Variants in TDRP observed in about 807,000 individuals in gnomAD.
TDRP encodes testis development-related protein.
TDRP carries 12 observed loss-of-function variants against 10.5 expected under a neutral mutation model. That is an observed-to-expected ratio of 1.15 (90% confidence interval 0.73 to 1.86). The LOEUF is 1.86. Ranked by LOEUF, TDRP falls within the 40% of genes most tolerant of loss-of-function variation. TDRP has a pLI of 0.00. For missense variants in TDRP, 353 were observed against 229.2 expected (o/e 1.54, Z -3.49); for synonymous variants, 139 against 95.4 (o/e 1.46, Z -2.67).
chr8:528,811 G>C (rs1050270117), intron 1 of TDRP, among the ~76,000 whole-genome samples: 2 of 151,994 alleles, frequency 1.3e-5, no homozygotes, highest in Non-Finnish European at 2.9e-5. Flanking sequence ...ATAACTATGT[G>C]TGTGTGTATA....
intron 1 of TDRP, among the ~76,000 whole-genome samples, chr8:506,958 G>A (rs534626788): frequency 1.3e-5 from 2 of 152,262 alleles, no homozygotes; most frequent in Admixed American, 6.5e-5. Context: ...ATAATACCTG[G>A]GACTGGGTAA....
chr8:539,572 GA>G (rs1802436947), intron 1 of TDRP, among the ~76,000 whole-genome samples: 1 of 152,206 alleles, frequency 6.6e-6, no homozygotes, highest in East Asian at 1.9e-4. Context: ...AGGCAGGTGT[GA>G]AGGTGTTTAC....
intron 1 of TDRP, among the ~76,000 whole-genome samples, chr8:543,656 T>C (rs1020520734): frequency 6.6e-6 from 1 of 152,096 alleles, no homozygotes; most frequent in African/African-American, 2.4e-5. Context: ...ATCGGCTCCA[T>C]TTTCCATGAG....
chr8:510,693 G>C (rs1055064614), intron 1 of TDRP, among the ~76,000 whole-genome samples: 5 of 152,188 alleles, frequency 3.3e-5, no homozygotes, highest in Admixed American at 2.6e-4. Context: ...GAATAAATCT[G>C]AACTTCTTGT....
chr8:500,977 T>C (rs62484366), intron 1 of TDRP, among the ~76,000 whole-genome samples: 116,050 of 151,686 alleles, frequency 0.77, 45,449 homozygotes, highest in Admixed American at 0.86. Context: ...GAGGCCAAGG[T>C]GGGTGGATCA....
intron 1 of TDRP, among the ~76,000 whole-genome samples, chr8:536,969 A>T (rs542185395): frequency 6.6e-6 from 1 of 152,272 alleles, no homozygotes; most frequent in South Asian, 2.1e-4. Flanking sequence ...ATGAGAGTCC[A>T]ATGAGACTAA....
intron 1 of TDRP, among the ~76,000 whole-genome samples, chr8:536,514 A>C (rs1563133024): frequency 6.6e-6 from 1 of 152,250 alleles, no homozygotes; most frequent in Non-Finnish European, 1.5e-5. Flanking sequence ...TATAAACTCT[A>C]AATACTGATC....
rs2116698219 is a variant in TDRP at position 491,133 on chromosome 8, A to T, written c.*1266T>A. ...GTGTGTTCTGCCATCAGGCACACTC[A>T]GTTATTCCACAGGAACAAACGGAAG... On this transcript the variant is annotated 3_prime_UTR_variant, in exon 3 of 3. Coordinates refer to ENST00000324079, the MANE Select transcript of TDRP (RefSeq NM_001384899.1). 1 of 152,960 alleles carries T rather than the reference A, an allele frequency of 6.5e-6. No individual in the cohort carries two copies. The highest frequency in any genetic ancestry group is 2.4e-5 in the African/African-American group (1 of 41,628). The allele number at this position is 152,960 out of a possible 1,614,324, so 9.5% of individuals were successfully genotyped here. A position where few individuals can be genotyped will look rare whatever the true frequency, so the allele number is the denominator to read the frequency against.
At position 491,773 on chromosome 8, in the gene TDRP, A is replaced by T. The variant is rs999265927; in HGVS notation, c.*626T>A. On this transcript the variant is annotated 3_prime_UTR_variant, in exon 3 of 3. Coordinates refer to ENST00000324079, the MANE Select transcript of TDRP (RefSeq NM_001384899.1). ...ATTCCAAAAAAGAACCACTGTTACT[A>T]TCCAGTGGACATACAAGAAGCTATT... 3.9e-5 allele frequency: 53 copies of T among 1,355,474 alleles called. No individual in the cohort carries two copies. The highest frequency in any genetic ancestry group is 4.7e-5 in the Non-Finnish European group (50 of 1,060,680). The allele number at this position is 1,355,474 out of a possible 1,614,324, so 84.0% of individuals were successfully genotyped here.
chr8:521,910 A>T (rs1283479023), intron 1 of TDRP, among the ~76,000 whole-genome samples: 3 of 152,130 alleles, frequency 2.0e-5, no homozygotes. Context: ...GCAATGTTTT[A>T]TATTTTTTCA....
intron 1 of TDRP, among the ~76,000 whole-genome samples, chr8:496,233 G>C (rs1404752235): frequency 6.6e-6 from 1 of 152,200 alleles, no homozygotes; most frequent in Non-Finnish European, 1.5e-5. Context: ...TGACAGCTTT[G>C]GCACACTTGT....
At chr8:493,993 G>T (rs10109045) in intron 2 of TDRP, among the ~76,000 whole-genome samples, 13,153 of 107,510 alleles carry the variant, frequency 0.12, 1,399 homozygotes, top group East Asian at 0.3. Context: ...CATTTCTGTT[G>T]TTTTTTTTTT....
chr8:534,908 A>G (rs1322502474), intron 1 of TDRP, among the ~76,000 whole-genome samples: 1 of 152,204 alleles, frequency 6.6e-6, no homozygotes, highest in Non-Finnish European at 1.5e-5. Context: ...GGCAGGCACC[A>G]GTATCATTAT....
intron 1 of TDRP, among the ~76,000 whole-genome samples, chr8:524,093 TC>T (rs1412828080): frequency 6.6e-6 from 1 of 152,142 alleles, no homozygotes; most frequent in African/African-American, 2.4e-5. Flanking sequence ...TCCCAGCAGT[TC>T]AGCACAGACA....
At chr8:528,572 C>A (rs201177489) in intron 1 of TDRP, among the ~76,000 whole-genome samples, 1 of 134,374 alleles carries the variant, frequency 7.4e-6, no homozygotes, top group African/African-American at 2.6e-5. Context: ...CTTGACAGCA[C>A]AACAGGATGA....
intron 1 of TDRP, among the ~76,000 whole-genome samples, chr8:526,475 T>A: frequency 6.6e-6 from 1 of 152,210 alleles, no homozygotes; most frequent in East Asian, 1.9e-4. Context: ...AATTATCATA[T>A]GGGTTTTGTC....
chr8:544,726 A>T lies in TDRP; in HGVS notation c.32T>A (p.Leu11Gln), dbSNP rs2116894186. The change falls in exon 1 of 3, where the codon CTG becomes CAG. Residue 11 changes from leucine (L) to glutamine (Q), a missense_variant. Coordinates refer to ENST00000324079, the MANE Select transcript of TDRP (RefSeq NM_001384899.1). Reference sequence around the variant, plus strand: ...GTCCTCCTCCTCGGGGGGCTCGTCCAGCAGCACTCGGCCCCGGCCCAGCTT... The same window carrying T: ...GTCCTCCTCCTCGGGGGGCTCGTCCTGCAGCACTCGGCCCCGGCCCAGCTT... MWKLGRGRVL[L>Q]DEPPEEEDGL... 8.0e-7 allele frequency: 1 copy of T among 1,243,570 alleles called. No homozygotes were observed. The allele number at this position is 1,243,570 out of a possible 1,614,324, so 77.0% of individuals were successfully genotyped here.
Position 491,931 on chromosome 8 carries a change from T to G in TDRP, c.*468A>C. ...TTAATTTGTCAAGTTAAACAAAATT[T>G]AACATAACTTTGGAAGATTCATCTT... On this transcript the variant is annotated 3_prime_UTR_variant, in exon 3 of 3. Transcript: ENST00000324079. The G allele has an allele frequency of 8.8e-7, 1 of 1,140,802 alleles. No individual in the cohort carries two copies. Among genetic ancestry groups the G allele is most frequent in the Non-Finnish European group, 1.1e-6 (1 of 931,136 alleles). 70.7% of individuals were successfully genotyped at this position (1,140,802 alleles called of 1,614,324 possible).
chr8:544,825 CGGACGCTCTGCCTGCGGCTCCTGCG>C, exon 1 of TDRP: 6 of 1,130,306 alleles, frequency 5.3e-6, no homozygotes, highest in Non-Finnish European at 6.7e-6. Flanking sequence ...TCCCGGCCGC[CGGACGCTCTGCCTGCGGCTCCTGCG>C]GGACGCGGGC....
Sources: gnomAD v4.1 joint callset for allele counts (sites outside exome capture counted in the v4.1 genomes callset) on GRCh38, gnomAD v4.1.1 for gene constraint, MANE v1.5 for transcripts, NCBI Gene and HGNC (gene_info 2026-07-23, HGNC 2026-07-21) for gene names.